ARHGAP5: variants seen among roughly 807,000 people sequenced by gnomAD.
ARHGAP5 encodes rho GTPase-activating protein 5.
A neutral mutation model predicts 116.6 loss-of-function variants in ARHGAP5; 23 were observed. The ratio of observed to expected loss-of-function variants is 0.20; its 90% confidence interval spans 0.14 to 0.28. ARHGAP5 has a LOEUF of 0.28. ARHGAP5 is among the 10% of genes least tolerant of loss of function. ARHGAP5 has a pLI of 1.00. For synonymous variants in ARHGAP5, 574 were observed against 602.0 expected, an observed-to-expected ratio of 0.95 and a Z score of 0.68; for missense variants, 1,405 against 1,774.8, an observed-to-expected ratio of 0.79 and a Z score of 3.74.
intron 2 of ARHGAP5, among the ~76,000 whole-genome samples, chr14:32,105,604 T>C (rs1453694508): frequency 1.3e-5 from 2 of 152,172 alleles, no homozygotes; most frequent in African/African-American, 4.8e-5. Context: ...TCTACAGATC[T>C]TATTCAGATT....
chr14:32,114,482 A>G (rs1358686137), intron 2 of ARHGAP5, among the ~76,000 whole-genome samples: 1 of 152,020 alleles, frequency 6.6e-6, no homozygotes, highest in East Asian at 1.9e-4. Flanking sequence ...GTCGAAGTGG[A>G]GGGATCATTT....
intron 2 of ARHGAP5, among the ~76,000 whole-genome samples, chr14:32,110,209 TAA>T (rs563872548): frequency 5.1e-4 from 58 of 113,776 alleles, no homozygotes; most frequent in African/African-American, 4.0e-4. Context: ...GCTGGGGAGA[TAA>T]AAAAAAAAAA....
intron 2 of ARHGAP5, among the ~76,000 whole-genome samples, chr14:32,115,150 C>T (rs1213721409): frequency 6.6e-6 from 1 of 152,150 alleles, no homozygotes; most frequent in African/African-American, 2.4e-5. Flanking sequence ...CTGTAGGAAT[C>T]GTTGCTATAC....
At position 32,092,227 on chromosome 14, in the gene ARHGAP5, A is replaced by G. The variant is rs777429255; in HGVS notation, c.1558A>G (p.Thr520Ala). The change falls in exon 2 of 7, where the codon ACA becomes GCA. Residue 520 changes from threonine to alanine, a missense_variant. Thr to Ala is a moderately conservative substitution (Grantham distance 58, BLOSUM62 0). Around this residue, in one of 6 missense-constraint regions of ARHGAP5, gnomAD observed 944 missense variants for 1,095.3 expected, o/e 0.86. Transcript: ENST00000345122. The surrounding 1 kb of genome is among the most constrained non-coding windows in gnomAD (Gnocchi z 4.1). ...PSSDKMSEIH[T>A]VLSEEPRYKA... ...TTCAGATAAAATGAGTGAAATTCATACAGTTCTGAGTGAAGAACCTAGATA... is the reference window on the plus strand; with the variant it reads ...TTCAGATAAAATGAGTGAAATTCATGCAGTTCTGAGTGAAGAACCTAGATA... 1.2e-6 allele frequency: 2 copies of G among 1,613,220 alleles called. No individual in the cohort carries two copies. The highest frequency in any genetic ancestry group is 1.7e-6 in the Non-Finnish European group (2 of 1,179,562).
intron 3 of ARHGAP5, among the ~76,000 whole-genome samples, chr14:32,137,883 A>C (rs978775022): frequency 2.0e-5 from 3 of 151,252 alleles, no homozygotes; most frequent in African/African-American, 7.3e-5. Flanking sequence ...GAGGCAGGAG[A>C]GTCCCTTGAA....
At chr14:32,137,960 A>G (rs1182632192) in intron 3 of ARHGAP5, among the ~76,000 whole-genome samples, 2 of 143,544 alleles carry the variant, frequency 1.4e-5, no homozygotes, top group Admixed American at 1.4e-4. Flanking sequence ...GACAAGAGTG[A>G]GGCTTCGTCT....
intron 3 of ARHGAP5, among the ~76,000 whole-genome samples, chr14:32,141,473 A>G (rs1284375934): frequency 6.6e-6 from 1 of 152,184 alleles, no homozygotes; most frequent in Non-Finnish European, 1.5e-5. Flanking sequence ...ATTAACATAG[A>G]CTTGTAATTA....
chr14:32,108,115 G>T (rs777874685), intron 2 of ARHGAP5, among the ~76,000 whole-genome samples: 3 of 152,154 alleles, frequency 2.0e-5, no homozygotes, highest in Non-Finnish European at 2.9e-5. Flanking sequence ...ATAGTATCTG[G>T]TCGTGACAAG....
intron 1 of ARHGAP5, among the ~76,000 whole-genome samples, chr14:32,084,869 TGTG>T (rs2041813568): frequency 6.6e-6 from 1 of 152,158 alleles, no homozygotes; most frequent in South Asian, 2.1e-4. Flanking sequence ...ATCACCTATG[TGTG>T]GTGGTGCACA....
chr14:32,140,975 T>G (rs1046882641), intron 3 of ARHGAP5, among the ~76,000 whole-genome samples: 1 of 152,214 alleles, frequency 6.6e-6, no homozygotes, highest in Admixed American at 6.5e-5. Flanking sequence ...AGTTTTTGCC[T>G]TATGTATTTT....
chr14:32,131,495 CG>C (rs1367492508), intron 3 of ARHGAP5, among the ~76,000 whole-genome samples: 1 of 152,062 alleles, frequency 6.6e-6, no homozygotes, highest in Non-Finnish European at 1.5e-5. Context: ...TTTTATGAAA[CG>C]CCAACCCCCC....
At chr14:32,129,949 C>G (rs1278585649) in intron 3 of ARHGAP5, among the ~76,000 whole-genome samples, 1 of 152,010 alleles carries the variant, frequency 6.6e-6, no homozygotes, top group Non-Finnish European at 1.5e-5. Flanking sequence ...CCTGTAATAC[C>G]AGTACTTTTG....
At chr14:32,110,754 C>T (rs913983967) in intron 2 of ARHGAP5, among the ~76,000 whole-genome samples, 3 of 151,996 alleles carry the variant, frequency 2.0e-5, no homozygotes, top group African/African-American at 7.3e-5. Flanking sequence ...ATGATGATAG[C>T]TTTATGGGCC....
chr14:32,131,522 C>G (rs1880495607), intron 3 of ARHGAP5, among the ~76,000 whole-genome samples: 1 of 152,136 alleles, frequency 6.6e-6, no homozygotes, highest in African/African-American at 2.4e-5. Flanking sequence ...CTCCCTTCCT[C>G]CAGCCACTGG....
chr14:32,149,498 C>T (rs1368405339), intron 4 of ARHGAP5, among the ~76,000 whole-genome samples: 1 of 151,990 alleles, frequency 6.6e-6, no homozygotes, highest in Non-Finnish European at 1.5e-5. Context: ...GGCCAGGCGC[C>T]GTGGCTCATG....
In ARHGAP5 at chr14:32,090,702, A is replaced by G. The variant is rs1878197777; in HGVS notation, c.33A>G (p.Pro11=). 1.2e-6 allele frequency: 2 copies of G among 1,612,692 alleles called. No individual in the cohort carries two copies. Among genetic ancestry groups the G allele is most frequent in the Middle Eastern group, 1.7e-4 (1 of 6,044 alleles). Residue 11 remains proline, a synonymous_variant, in exon 2 of 7, where the codon CCA becomes CCG. Transcript: ENST00000345122. MMAKNKEPRP[P]SYTISIVGLS... Reference sequence around the variant, plus strand: ...CAAAAAACAAAGAGCCTCGTCCCCCATCCTATACCATCAGTATAGTTGGAC... The same window carrying G: ...CAAAAAACAAAGAGCCTCGTCCCCCGTCCTATACCATCAGTATAGTTGGAC...
intron 1 of ARHGAP5, among the ~76,000 whole-genome samples, chr14:32,088,679 G>T (rs961752269): frequency 3.9e-5 from 6 of 151,936 alleles, no homozygotes; most frequent in African/African-American, 1.4e-4. Flanking sequence ...GAACGGGACT[G>T]CCCTAGTTTC....
intron 3 of ARHGAP5, among the ~76,000 whole-genome samples, chr14:32,136,852 C>T (rs1394184569): frequency 6.6e-6 from 1 of 151,988 alleles, no homozygotes; most frequent in Non-Finnish European, 1.5e-5. Context: ...TGATGTTGAG[C>T]ATCTTTTCAT....
Position 32,094,090 on chromosome 14 carries a change from A to G in ARHGAP5, c.3421A>G (p.Thr1141Ala), listed in dbSNP as rs1878399760. ...GDEENGFSDRTSKSHGERRPS... is the reference protein window; with the variant it reads ...GDEENGFSDRASKSHGERRPS... The stretch of plus-strand genomic sequence containing the variant: ...TGAAGAAAATGGGTTTTCTGATAGA[A>G]CCTCAAAAAGTCATGGGGAACGGAG... The change falls in exon 2 of 7, where the codon ACC (threonine) becomes GCC (alanine). Residue 1141 changes from threonine to alanine, a missense_variant. By Grantham distance (58) the Thr-to-Ala change is moderately conservative (BLOSUM62 0). Coordinates refer to ENST00000345122, the MANE Select transcript of ARHGAP5 (RefSeq NM_001030055.2). 1 of 1,614,004 alleles carries G rather than the reference A, an allele frequency of 6.2e-7. No homozygotes were observed.
Sources: allele counts gnomAD v4.1 joint callset (sites outside exome capture counted in the v4.1 genomes callset), GRCh38; gene constraint gnomAD v4.1.1; regional missense constraint gnomAD v4.1.1; non-coding constraint Gnocchi (gnomAD v3.1); transcripts MANE v1.5; gene names NCBI Gene and HGNC (gene_info 2026-07-23, HGNC 2026-07-21).